Variants in ANXA8 observed in about 807,000 individuals in gnomAD.
ANXA8 encodes annexin A8.
In ANXA8, 9 loss-of-function variants were observed where a neutral mutation model predicts 26.8. The observed-to-expected ratio is 0.34, with a 90% CI of 0.20 to 0.59. ANXA8 has a LOEUF of 0.59. Among genes scored for constraint, ANXA8 ranks in the 20% least tolerant of loss-of-function variants. ANXA8 has a pLI of 0.84. For missense variants in ANXA8, 83 were observed against 238.5 expected, an observed-to-expected ratio of 0.35 and a Z score of 4.29; for synonymous variants, 39 against 94.8, an observed-to-expected ratio of 0.41 and a Z score of 3.42.
chr10:47,525,890 C>T, the ANXA8 span, among the ~76,000 whole-genome samples: 14 of 128,748 alleles, frequency 1.1e-4, 1 homozygote, highest in South Asian at 1.7e-3. Context: ...CTGCAACCTC[C>T]GCCTCCCGGG....
chr10:47,735,905 G>T, the ANXA8 span, among the ~76,000 whole-genome samples: 1 of 146,660 alleles, frequency 6.8e-6, no homozygotes, highest in African/African-American at 2.5e-5. Flanking sequence ...GCCTCCCAAA[G>T]TGCTGGGATT....
the ANXA8 span, among the ~76,000 whole-genome samples, chr10:47,560,720 C>T: frequency 2.0e-5 from 3 of 151,966 alleles, no homozygotes; most frequent in African/African-American, 7.3e-5. Context: ...GGCACAGCGC[C>T]TGACTATTTT....
the ANXA8 span, among the ~76,000 whole-genome samples, chr10:47,940,052 C>T: frequency 6.0e-5 from 9 of 150,464 alleles, no homozygotes; most frequent in Admixed American, 3.3e-4. Flanking sequence ...CAATGCCTTC[C>T]GAATCTCATG....
At chr10:47,750,944 C>G in the ANXA8 span, 1 of 149,044 alleles carries the variant, frequency 6.7e-6, no homozygotes, top group Non-Finnish European at 1.5e-5. Context: ...TCATCACATC[C>G]AAAGAATAAA....
the ANXA8 span, among the ~76,000 whole-genome samples, chr10:47,666,881 TA>T: frequency 2.6e-5 from 4 of 152,136 alleles, no homozygotes; most frequent in South Asian, 6.2e-4. Context: ...AAGAAACATT[TA>T]AAAAATTGAT....
chr10:47,581,027 G>A, the ANXA8 span, among the ~76,000 whole-genome samples: 1 of 150,282 alleles, frequency 6.7e-6, no homozygotes, highest in African/African-American at 2.5e-5. Flanking sequence ...AGTGAGGCGA[G>A]ATCACGCCGC....
the ANXA8 span, among the ~76,000 whole-genome samples, chr10:47,567,570 T>C: frequency 6.6e-6 from 1 of 151,730 alleles, no homozygotes; most frequent in African/African-American, 2.4e-5. Flanking sequence ...CACAGCCCTG[T>C]GTTCCTGTCA....
At chr10:47,694,175 A>G in the ANXA8 span, among the ~76,000 whole-genome samples, 1 of 151,774 alleles carries the variant, frequency 6.6e-6, no homozygotes. Context: ...TTCCTATTAT[A>G]AGACATTTAG....
chr10:47,895,081 C>T, the ANXA8 span, among the ~76,000 whole-genome samples: 1 of 152,026 alleles, frequency 6.6e-6, no homozygotes, highest in Non-Finnish European at 1.5e-5. Context: ...GTGCCACACA[C>T]ATACCCCACA....
chr10:47,639,315 T>TA, the ANXA8 span, among the ~76,000 whole-genome samples: 2 of 71,704 alleles, frequency 2.8e-5, no homozygotes, highest in African/African-American at 5.0e-5. Context: ...ATTATTATTA[T>TA]TTTTTTTTTT....
intron 11 of ANXA8, among the ~76,000 whole-genome samples, chr10:47,469,545 C>T (rs1273802666): frequency 0.18 from 26,472 of 150,266 alleles, 2,628 homozygotes; most frequent in East Asian, 0.48. Flanking sequence ...TGAGACTGAC[C>T]TTGTGGTCCG....
chr10:47,696,443 A>G, the ANXA8 span: 1 of 1,354,178 alleles, frequency 7.4e-7, no homozygotes, highest in Non-Finnish European at 1.0e-6. Flanking sequence ...GTGAGACAGT[A>G]CTACAATCAA....
chr10:47,546,396 A>ATTTTT, the ANXA8 span, among the ~76,000 whole-genome samples: 1 of 59,572 alleles, frequency 1.7e-5, no homozygotes, highest in Admixed American at 2.4e-4. Flanking sequence ...GATAAGACCA[A>ATTTTT]TTTTTTTTTT....
chr10:47,733,164 T>TCTTG, the ANXA8 span, among the ~76,000 whole-genome samples: 3 of 98,990 alleles, frequency 3.0e-5, no homozygotes, highest in Non-Finnish European at 7.0e-5. Flanking sequence ...TTTCTTTCTT[T>TCTTG]CTTTCTTTCT....
chr10:47,771,470 CCAAATAAATAATCTACACCAAATA>C, the ANXA8 span, among the ~76,000 whole-genome samples: 1 of 151,212 alleles, frequency 6.6e-6, no homozygotes, highest in Non-Finnish European at 1.5e-5. Context: ...GAAATGCTGA[CCAAATAAATAATCTACACCAAATA>C]CTTTACTTAC....
chr10:47,644,694 A>G, the ANXA8 span, among the ~76,000 whole-genome samples: 1 of 151,648 alleles, frequency 6.6e-6, no homozygotes, highest in Non-Finnish European at 1.5e-5. Context: ...TATTAACTAA[A>G]AGCTGTTTCA....
the ANXA8 span, among the ~76,000 whole-genome samples, chr10:47,694,494 C>T: frequency 3.4e-5 from 5 of 147,292 alleles, no homozygotes; most frequent in Admixed American, 3.4e-4. Flanking sequence ...GATCTCTGCT[C>T]ACTGCAACCT....
At chr10:47,703,592 A>G in the ANXA8 span, among the ~76,000 whole-genome samples, 1 of 151,192 alleles carries the variant, frequency 6.6e-6, no homozygotes, top group Non-Finnish European at 1.5e-5. Flanking sequence ...AATACAAAAC[A>G]CAAAAATAGA....
chr10:47,691,057 A>C, the ANXA8 span: 1 of 1,610,902 alleles, frequency 6.2e-7, no homozygotes, highest in South Asian at 1.1e-5. Context: ...TGCTATCTCC[A>C]TGCCATGTGA....
Sources: gnomAD v4.1 joint callset for allele counts (sites outside exome capture counted in the v4.1 genomes callset) on GRCh38, gnomAD v4.1.1 for gene constraint, MANE v1.5 for transcripts, NCBI Gene and HGNC (gene_info 2026-07-23, HGNC 2026-07-21) for gene names.